The following GPM6A variants were observed in gnomAD, a reference collection of about 807,000 sequenced individuals.
GPM6A encodes glycoprotein M6A.
GPM6A carries 7 observed loss-of-function variants against 32.1 expected under a neutral mutation model. The observed-to-expected ratio is 0.22, with a 90% CI of 0.12 to 0.41. The LOEUF is 0.41. GPM6A is among the 10% of genes least tolerant of loss of function. GPM6A has a pLI of 1.00. For missense variants in GPM6A, 235 were observed against 347.2 expected, an observed-to-expected ratio of 0.68 and a Z score of 2.57; for synonymous variants, 130 against 123.4, an observed-to-expected ratio of 1.05 and a Z score of -0.35.
At chr4:175,857,462 G>A (rs1272298134) in intron 1 of GPM6A, among the ~76,000 whole-genome samples, 2 of 151,934 alleles carry the variant, frequency 1.3e-5, no homozygotes, top group Admixed American at 6.6e-5. Flanking sequence ...TAGCTAACAA[G>A]CATAGAAAAG....
chr4:175,641,122 C>T (rs1741117983), intron 4 of GPM6A: 2 of 382,528 alleles, frequency 5.2e-6, no homozygotes, highest in Non-Finnish European at 9.6e-6. Context: ...TGGTTTGGCC[C>T]ATTAATGTGA....
chr4:175,983,260 G>C (rs1740870624), intron 1 of GPM6A, among the ~76,000 whole-genome samples: 1 of 152,180 alleles, frequency 6.6e-6, no homozygotes, highest in African/African-American at 2.4e-5. Context: ...ACATAGAATG[G>C]AAAGTGGCTT....
chr4:175,707,887 T>A (rs1359033312), intron 1 of GPM6A, among the ~76,000 whole-genome samples: 1 of 152,216 alleles, frequency 6.6e-6, no homozygotes, highest in Admixed American at 6.5e-5. Flanking sequence ...TAAAATAATT[T>A]TTTTTCTTCT....
At chr4:175,999,179 G>GTGATATACATGTAC (rs1741401062) in intron 1 of GPM6A, among the ~76,000 whole-genome samples, 1 of 152,160 alleles carries the variant, frequency 6.6e-6, no homozygotes. Flanking sequence ...TATACATGTA[G>GTGATATACATGTAC]TCTCATAGTG....
At chr4:175,888,167 A>C (rs939725844) in intron 1 of GPM6A, among the ~76,000 whole-genome samples, 2 of 152,004 alleles carry the variant, frequency 1.3e-5, no homozygotes, top group African/African-American at 4.8e-5. Context: ...GCTTAAAATT[A>C]GAAAATCTTA....
intron 1 of GPM6A, among the ~76,000 whole-genome samples, chr4:175,735,170 T>C (rs1731607227): frequency 6.6e-6 from 1 of 152,184 alleles, no homozygotes; most frequent in African/African-American, 2.4e-5. Context: ...TTAATACTTT[T>C]TTCTTCCGGC....
chr4:175,768,322 A>G (rs370202914), intron 1 of GPM6A, among the ~76,000 whole-genome samples: 2 of 152,276 alleles, frequency 1.3e-5, no homozygotes, highest in East Asian at 3.9e-4. Context: ...TAAGAAGGAA[A>G]TATATCAGTT....
At chr4:175,787,497 G>T (rs974140360) in intron 1 of GPM6A, 3 of 1,470,068 alleles carry the variant, frequency 2.0e-6, no homozygotes, top group Non-Finnish European at 2.7e-6. Context: ...CACTATTTTT[G>T]GTCCTTTTTG....
chr4:175,897,064 A>G (rs1737816917), intron 1 of GPM6A, among the ~76,000 whole-genome samples: 1 of 152,168 alleles, frequency 6.6e-6, no homozygotes, highest in Admixed American at 6.6e-5. Flanking sequence ...TTAAATCAAA[A>G]AAGTTAATAC....
intron 1 of GPM6A, among the ~76,000 whole-genome samples, chr4:175,853,087 C>T (rs2111405623): frequency 6.6e-6 from 1 of 152,178 alleles, no homozygotes; most frequent in East Asian, 1.9e-4. Context: ...TACAGGACTA[C>T]AGAACACTAT....
intron 3 of GPM6A, among the ~76,000 whole-genome samples, chr4:175,660,641 G>A (rs1742356074): frequency 6.6e-6 from 1 of 152,078 alleles, no homozygotes; most frequent in Non-Finnish European, 1.5e-5. Context: ...AACACAAAAA[G>A]AAAGTGTTGC....
chr4:175,806,982 A>G (rs1734720832), intron 1 of GPM6A: 1 of 152,250 alleles, frequency 6.6e-6, no homozygotes. Context: ...GTCTGTGAGT[A>G]GCCAACAGCT....
intron 1 of GPM6A, among the ~76,000 whole-genome samples, chr4:175,999,753 A>T (rs1197971357): frequency 6.6e-6 from 1 of 152,142 alleles, no homozygotes; most frequent in African/African-American, 2.4e-5. Context: ...AAACAAAAAC[A>T]AAACAAAACA....
chr4:175,860,147 G>T (rs1294721504), intron 1 of GPM6A, among the ~76,000 whole-genome samples: 2 of 151,258 alleles, frequency 1.3e-5, no homozygotes, highest in Non-Finnish European at 2.9e-5. Flanking sequence ...ACTAGAAAAA[G>T]AAGAGCCAAT....
intron 1 of GPM6A, among the ~76,000 whole-genome samples, chr4:175,780,508 G>A (rs1330205028): frequency 2.0e-5 from 3 of 152,152 alleles, no homozygotes; most frequent in East Asian, 1.9e-4. Context: ...ATTCATGAAC[G>A]GCTATCATGC....
At chr4:175,677,762 A>G (rs1408102841) in intron 2 of GPM6A, among the ~76,000 whole-genome samples, 3 of 152,160 alleles carry the variant, frequency 2.0e-5, no homozygotes, top group Non-Finnish European at 4.4e-5. Context: ...CTAAATAAAT[A>G]TTTTAGAAAA....
chr4:175,964,318 AAC>A lies in GPM6A; in HGVS notation c.-23+37989_-23+37990del, dbSNP rs869036319. ...AACAAACAACAACAACAACAACAAC[AAC>A]AAAACCCACCCAGCTATAGAGACAA... On this transcript the variant is annotated intron_variant, in intron 1 of 7. Transcript: ENST00000280187. 2.6e-4 allele frequency among the ~76,000 whole-genome samples: 39 copies of A among 152,090 alleles called. 1 individual carries two copies. Among genetic ancestry groups the A allele is most frequent in the Non-Finnish European group, 8.8e-5 (6 of 67,982 alleles).
At chr4:175,889,517 C>CAAAAAAAAAAAAAAAA (rs1737566901) in intron 1 of GPM6A, among the ~76,000 whole-genome samples, 1 of 113,978 alleles carries the variant, frequency 8.8e-6, no homozygotes, top group African/African-American at 3.8e-5. Context: ...AACCCTGTCT[C>CAAAAAAAAAAAAAAAA]CAAAAAAAAA....
At chr4:175,845,800 T>A (rs1368806044) in intron 1 of GPM6A, among the ~76,000 whole-genome samples, 2 of 152,102 alleles carry the variant, frequency 1.3e-5, no homozygotes, top group African/African-American at 2.4e-5. Flanking sequence ...GTCAAGACAA[T>A]CACCATAAGC....
Sources: gnomAD v4.1 joint callset for allele counts (sites outside exome capture counted in the v4.1 genomes callset) on GRCh38, gnomAD v4.1.1 for gene constraint, MANE v1.5 for transcripts, NCBI Gene and HGNC (gene_info 2026-07-23, HGNC 2026-07-21) for gene names.